The following ARHGEF9 variants were observed in gnomAD, a reference collection of about 807,000 sequenced individuals.
ARHGEF9 encodes the protein Cdc42 guanine nucleotide exchange factor 9, also known as rho guanine nucleotide exchange factor 9.
Under a neutral mutation model 41.3 loss-of-function variants are expected in ARHGEF9, and 2 were observed. The observed-to-expected ratio is 0.05, with a 90% confidence interval of 0.02 to 0.15. ARHGEF9 has a LOEUF of 0.15. Ranked by LOEUF, ARHGEF9 falls within the 10% of genes least tolerant of loss-of-function variation. The pLI, the probability that ARHGEF9 is intolerant of heterozygous loss-of-function variation, is 1.00. For missense variants in ARHGEF9, 225 were observed against 424.7 expected, an observed-to-expected ratio of 0.53 and a Z score of 4.13; for synonymous variants, 160 against 154.4, an observed-to-expected ratio of 1.04 and a Z score of -0.27.
At chrX:63,746,462 T>C (rs782265048) in intron 1 of ARHGEF9, among the ~76,000 whole-genome samples, 2 of 111,722 alleles carry the variant, frequency 1.8e-5, no homozygotes, top group East Asian at 5.7e-4. Flanking sequence ...GAGTCCACTA[T>C]GCAGGCTATA....
chrX:63,758,488 C>A (rs782658188), intron 1 of ARHGEF9, among the ~76,000 whole-genome samples: 15 of 112,980 alleles, frequency 1.3e-4, no homozygotes, highest in Admixed American at 9.3e-4. Context: ...GCATTTAAGG[C>A]AAATTCTGTA....
At chrX:63,754,391 C>A in intron 1 of ARHGEF9, 1 of 1,201,098 alleles carries the variant, frequency 8.3e-7, no homozygotes, top group Non-Finnish European at 1.1e-6. Context: ...CTCTCTCTTT[C>A]CCTGTCTCTG....
chrX:63,683,740 T>C (rs1556372281), intron 4 of ARHGEF9, among the ~76,000 whole-genome samples: 6 of 111,103 alleles, frequency 5.4e-5, no homozygotes, highest in Non-Finnish European at 1.1e-4. Context: ...CAGGACACAA[T>C]GGGGAACGTA....
At chrX:63,691,585 A>C (rs1405979532) in intron 4 of ARHGEF9, among the ~76,000 whole-genome samples, 1 of 111,515 alleles carries the variant, frequency 9.0e-6, no homozygotes, top group Non-Finnish European at 1.9e-5. Context: ...GCAATTAATT[A>C]ATATTAAATT....
intron 6 of ARHGEF9, 143 bp downstream of exon 6, chrX:63,673,895 G>C: frequency 1.3e-6 from 1 of 787,136 alleles, no homozygotes; most frequent in Non-Finnish European, 1.8e-6. Flanking sequence ...CTTCTCATTA[G>C]CAAGAAATTT....
intron 1 of ARHGEF9, among the ~76,000 whole-genome samples, chrX:63,758,130 T>C (rs1433348830): frequency 9.2e-6 from 1 of 108,284 alleles, no homozygotes; most frequent in African/African-American, 3.4e-5. Context: ...AATGGGACTT[T>C]TTTTTTTTTT....
chrX:63,660,253 G>A lies in ARHGEF9; in HGVS notation c.1078-4516C>T, dbSNP rs782684436. 1.0e-3 allele frequency among the ~76,000 whole-genome samples: 115 copies of A among 111,560 alleles called. 3 individuals are homozygous for A. The highest frequency in any genetic ancestry group is 9.2e-3 in the Middle Eastern group (2 of 218). ...CATGCCTTTTGCAACAACATGGATGGAACTGGAGGCCATTATCCTAAGCAA... is the reference window on the plus strand; with the variant it reads ...CATGCCTTTTGCAACAACATGGATGAAACTGGAGGCCATTATCCTAAGCAA... On this transcript the variant is annotated intron_variant, in intron 7 of 9. Transcript: ENST00000671741.
At position 63,655,477 on chromosome X, in the gene ARHGEF9, A is replaced by G; in HGVS notation, c.1321+17T>C. 1 of 1,209,894 alleles carries G rather than the reference A, an allele frequency of 8.3e-7. No individual in the cohort carries two copies. The highest frequency in any genetic ancestry group is 1.1e-6 in the Non-Finnish European group (1 of 894,637). On this transcript the variant is annotated intron_variant, in intron 8 of 9. Coordinates refer to ENST00000671741, the MANE Select transcript of ARHGEF9 (RefSeq NM_001353921.2). ...TCTTCATAGCCATGTTCTTCTTTCT[A>G]CTCTCAGGTCACTTACCAATTTTTT...
intron 1 of ARHGEF9, among the ~76,000 whole-genome samples, chrX:63,772,355 T>C (rs782486656): frequency 8.9e-6 from 1 of 111,834 alleles, no homozygotes; most frequent in South Asian, 3.7e-4. Context: ...CCATCTCCTA[T>C]CCATTCTCTA....
At chrX:63,728,093 C>T (rs1418941527) in intron 1 of ARHGEF9, among the ~76,000 whole-genome samples, 5 of 111,924 alleles carry the variant, frequency 4.5e-5, no homozygotes, top group African/African-American at 3.3e-5. Flanking sequence ...ATCCAGAAGG[C>T]GTTAACAGCT....
intron 1 of ARHGEF9, chrX:63,754,844 G>C: frequency 1.1e-6 from 1 of 940,095 alleles, no homozygotes; most frequent in Non-Finnish European, 1.3e-6. Flanking sequence ...CGCTGAAGTC[G>C]GCAGAGTCCA....
chrX:63,698,501 C>T (rs2051931643), intron 3 of ARHGEF9, among the ~76,000 whole-genome samples: 1 of 111,523 alleles, frequency 9.0e-6, no homozygotes, highest in African/African-American at 3.3e-5. Context: ...CATTTGCTTT[C>T]ATCAAAAAGC....
At chrX:63,702,504 T>C (rs1410731987) in intron 3 of ARHGEF9, among the ~76,000 whole-genome samples, 3 of 112,445 alleles carry the variant, frequency 2.7e-5, no homozygotes, top group African/African-American at 9.7e-5. Context: ...ATTTCCTACT[T>C]CTTCATTTGT....
intron 7 of ARHGEF9, among the ~76,000 whole-genome samples, chrX:63,660,776 G>A (rs1473881804): frequency 8.9e-6 from 1 of 112,169 alleles, no homozygotes; most frequent in Non-Finnish European, 1.9e-5. Flanking sequence ...TACTACATCT[G>A]CATTGTCTCA....
chrX:63,710,315 A>C (rs1270685006), intron 2 of ARHGEF9, among the ~76,000 whole-genome samples: 2 of 107,425 alleles, frequency 1.9e-5, no homozygotes, highest in Non-Finnish European at 3.9e-5. Flanking sequence ...AAAAAAAAAA[A>C]AAAAACCTCA....
intron 3 of ARHGEF9, among the ~76,000 whole-genome samples, chrX:63,699,291 A>G (rs1407585734): frequency 8.9e-6 from 1 of 111,863 alleles, no homozygotes; most frequent in East Asian, 2.8e-4. Context: ...ACTTCTGGGT[A>G]AGCAATAGGT....
At chrX:63,639,823 G>A (rs1412536423) in intron 9 of ARHGEF9, 1 of 111,870 alleles carries the variant, frequency 8.9e-6, no homozygotes, top group Non-Finnish European at 1.9e-5. Context: ...AACATGGATG[G>A]AACTGGAGCT....
At chrX:63,762,030 G>C (rs1204823560) in intron 1 of ARHGEF9, among the ~76,000 whole-genome samples, 1 of 111,494 alleles carries the variant, frequency 9.0e-6, no homozygotes, top group African/African-American at 3.3e-5. Context: ...AGTCAATCAT[G>C]CATCAGTTCA....
At chrX:63,683,738 A>T (rs1397879816) in intron 4 of ARHGEF9, among the ~76,000 whole-genome samples, 1 of 111,734 alleles carries the variant, frequency 8.9e-6, no homozygotes, top group Non-Finnish European at 1.9e-5. Context: ...AACAGGACAC[A>T]ATGGGGAACG....
Sources: gnomAD v4.1 joint callset for allele counts (sites outside exome capture counted in the v4.1 genomes callset) on GRCh38, gnomAD v4.1.1 for gene constraint, MANE v1.5 for transcripts, NCBI Gene and HGNC (gene_info 2026-07-23, HGNC 2026-07-21) for gene names.